The following AGMO variants were observed in gnomAD, a reference collection of about 807,000 sequenced individuals.
The protein encoded by AGMO is glyceryl-ether monooxygenase.
In AGMO, 75 loss-of-function variants were observed where a neutral mutation model predicts 60.2. The ratio of observed to expected loss-of-function variants is 1.25; its 90% confidence interval spans 1.03 to 1.51. AGMO has a LOEUF of 1.51. Among genes scored for constraint, AGMO ranks in the 40% most tolerant of loss-of-function variants. The pLI, the probability that AGMO is intolerant of heterozygous loss-of-function variation, is 0.00. For synonymous variants in AGMO, 261 were observed against 177.1 expected (o/e 1.47, Z -3.76); for missense variants, 763 against 525.5 (o/e 1.45, Z -4.42).
chr7:15,316,650 C>T (rs929953820), intron 12 of AGMO, among the ~76,000 whole-genome samples: 1 of 151,944 alleles, frequency 6.6e-6, no homozygotes, highest in Non-Finnish European at 1.5e-5. Context: ...GATAACTAAG[C>T]AGAGGGGATA....
chr7:15,389,623 C>A (rs1784058309), intron 8 of AGMO, among the ~76,000 whole-genome samples: 1 of 152,136 alleles, frequency 6.6e-6, no homozygotes, highest in Admixed American at 6.5e-5. Flanking sequence ...CGTAAAGAGG[C>A]AGCACTGTGT....
At position 15,259,725 on chromosome 7, in the gene AGMO, C is replaced by T. The variant is rs560951405; in HGVS notation, c.1264-58366G>A. Reference sequence around the variant, plus strand: ...CGCAGGTTTCTCAGCAGAATCCCTACAAGCTAGAAGGGATTTGGGTCCTAT... The same window carrying T: ...CGCAGGTTTCTCAGCAGAATCCCTATAAGCTAGAAGGGATTTGGGTCCTAT... On this transcript the variant is annotated intron_variant, in intron 12 of 12. Coordinates refer to ENST00000342526, the MANE Select transcript of AGMO (RefSeq NM_001004320.2). Among the ~76,000 whole-genome samples the T allele has an allele frequency of 5.3e-4, 80 of 151,898 alleles. 3 individuals carry two copies. The South Asian group carries it at 0.016, about 30-fold the overall frequency.
chr7:15,384,002 C>T (rs915990058), intron 10 of AGMO, among the ~76,000 whole-genome samples: 4 of 151,996 alleles, frequency 2.6e-5, no homozygotes, highest in Non-Finnish European at 4.4e-5. Context: ...GTGGCGCGAT[C>T]TCGGCTCACT....
intron 3 of AGMO, among the ~76,000 whole-genome samples, chr7:15,511,463 G>C (rs1783672299): frequency 6.6e-6 from 1 of 152,106 alleles, no homozygotes; most frequent in African/African-American, 2.4e-5. Flanking sequence ...ACAAAGGATA[G>C]AGTGGTGGTT....
intron 3 of AGMO, among the ~76,000 whole-genome samples, chr7:15,498,053 C>G (rs1783280803): frequency 6.6e-6 from 1 of 151,922 alleles, no homozygotes; most frequent in South Asian, 2.1e-4. Flanking sequence ...GCTCGGTTCC[C>G]CTCAGTGAAT....
the AGMO span, among the ~76,000 whole-genome samples, chr7:15,180,953 G>T: frequency 6.6e-6 from 1 of 152,080 alleles, no homozygotes; most frequent in South Asian, 2.1e-4. Flanking sequence ...ACAAGCAAGG[G>T]ATACATAGAT....
At chr7:15,414,607 C>A (rs1780705283) in intron 5 of AGMO, among the ~76,000 whole-genome samples, 1 of 149,486 alleles carries the variant, frequency 6.7e-6, no homozygotes. Flanking sequence ...CTTGCCAGAG[C>A]AATAAGGCAA....
intron 3 of AGMO, among the ~76,000 whole-genome samples, chr7:15,432,121 A>G (rs189036776): frequency 5.9e-5 from 9 of 151,772 alleles, no homozygotes; most frequent in Admixed American, 5.3e-4. Context: ...ATGTGACATG[A>G]TCATCATATC....
At chr7:15,307,208 T>C (rs1780640045) in intron 12 of AGMO, among the ~76,000 whole-genome samples, 2 of 152,042 alleles carry the variant, frequency 1.3e-5, no homozygotes, top group Non-Finnish European at 2.9e-5. Context: ...ATAATTTATA[T>C]TCCCTTATGA....
At chr7:15,121,165 G>C in the AGMO span, among the ~76,000 whole-genome samples, 1 of 152,056 alleles carries the variant, frequency 6.6e-6, no homozygotes, top group African/African-American at 2.4e-5. Context: ...TCTTTTTTAT[G>C]GCTGCATAGT....
chr7:15,358,696 T>C (rs1178145331), intron 12 of AGMO, among the ~76,000 whole-genome samples: 1 of 152,178 alleles, frequency 6.6e-6, no homozygotes, highest in African/African-American at 2.4e-5. Context: ...AATTCATGTA[T>C]TCTCTGACAT....
intron 3 of AGMO, among the ~76,000 whole-genome samples, chr7:15,435,678 G>A (rs1163538573): frequency 6.6e-6 from 1 of 151,708 alleles, no homozygotes; most frequent in African/African-American, 2.4e-5. Context: ...TTTAAATAGT[G>A]TCATACAAAG....
intron 3 of AGMO, among the ~76,000 whole-genome samples, chr7:15,536,899 T>C (rs751113063): frequency 1.3e-5 from 2 of 151,938 alleles, no homozygotes; most frequent in South Asian, 2.1e-4. Flanking sequence ...GTGGATAGAA[T>C]TCCACTTGAT....
chr7:15,353,671 T>C (rs115936873), intron 12 of AGMO, among the ~76,000 whole-genome samples: 81 of 152,338 alleles, frequency 5.3e-4, no homozygotes, highest in African/African-American at 1.9e-3. Flanking sequence ...CAGAAATATA[T>C]ATTAGTGTTG....
intron 12 of AGMO, among the ~76,000 whole-genome samples, chr7:15,298,988 G>T (rs1170148302): frequency 6.6e-6 from 1 of 151,956 alleles, no homozygotes; most frequent in South Asian, 2.1e-4. Context: ...TTGTCCCCCA[G>T]GACTCCCTAC....
intron 3 of AGMO, among the ~76,000 whole-genome samples, chr7:15,456,109 T>G (rs376253100): frequency 1.3e-5 from 2 of 152,266 alleles, no homozygotes; most frequent in Admixed American, 6.5e-5. Flanking sequence ...TTAAAAATTC[T>G]ATCTTATGGA....
intron 12 of AGMO, among the ~76,000 whole-genome samples, chr7:15,353,016 G>T (rs555519159): frequency 6.0e-4 from 91 of 152,090 alleles, no homozygotes; most frequent in African/African-American, 2.1e-3. Flanking sequence ...CACTGCGCAC[G>T]GCACACTCAG....
At chr7:15,472,561 G>A (rs1045204734) in intron 3 of AGMO, among the ~76,000 whole-genome samples, 1 of 151,896 alleles carries the variant, frequency 6.6e-6, no homozygotes, top group Non-Finnish European at 1.5e-5. Context: ...AAAATGCAGT[G>A]TTGCTTTGAG....
At chr7:15,253,254 A>T (rs1378961617) in intron 12 of AGMO, among the ~76,000 whole-genome samples, 1 of 152,206 alleles carries the variant, frequency 6.6e-6, no homozygotes, top group Admixed American at 6.5e-5. Flanking sequence ...GAACAAAAAA[A>T]GTGTGCATTT....
Sources: gnomAD v4.1 joint callset for allele counts (sites outside exome capture counted in the v4.1 genomes callset) on GRCh38, gnomAD v4.1.1 for gene constraint, MANE v1.5 for transcripts, NCBI Gene and HGNC (gene_info 2026-07-23, HGNC 2026-07-21) for gene names.